EHBP1: variants seen among roughly 807,000 people sequenced by gnomAD.
EHBP1 encodes EH domain binding protein 1, also known as EH domain-binding protein 1.
EHBP1 carries 55 observed loss-of-function variants against 144.0 expected under a neutral mutation model. The ratio of observed to expected loss-of-function variants is 0.38; its 90% CI spans 0.31 to 0.48. The LOEUF (loss-of-function observed/expected upper bound fraction) is 0.48, where lower values mean the gene tolerates loss of function less well. EHBP1 is among the 20% of genes least tolerant of loss of function. The pLI, the probability that EHBP1 is intolerant of heterozygous loss-of-function variation, is 0.98. For missense variants in EHBP1, 1,200 were observed against 1,364.2 expected (o/e 0.88, Z 1.90); for synonymous variants, 469 against 472.7 (o/e 0.99, Z 0.10).
chr2:62,858,961 C>T (rs894024465), intron 7 of EHBP1, among the ~76,000 whole-genome samples: 1 of 152,024 alleles, frequency 6.6e-6, no homozygotes, highest in African/African-American at 2.4e-5. Context: ...ACATAATTTT[C>T]AATTAATACT....
intron 1 of EHBP1, among the ~76,000 whole-genome samples, chr2:62,677,987 G>C (rs559960996): frequency 3.9e-5 from 6 of 152,170 alleles, no homozygotes; most frequent in Admixed American, 3.3e-4. Flanking sequence ...CCTTCCTTTG[G>C]GGTATATACC....
At chr2:62,952,441 T>G (rs1342987447) in intron 13 of EHBP1, among the ~76,000 whole-genome samples, 2 of 152,224 alleles carry the variant, frequency 1.3e-5, no homozygotes, top group Admixed American at 6.5e-5. Context: ...CGTTTGTTCT[T>G]TCTTAGTAGT....
intron 4 of EHBP1, among the ~76,000 whole-genome samples, chr2:62,766,000 T>A (rs1358503452): frequency 1.3e-5 from 2 of 152,198 alleles, no homozygotes; most frequent in South Asian, 2.1e-4. Context: ...ACTTCCCTTT[T>A]CTTTCTACCC....
chr2:62,863,286 C>T (rs1188426262), intron 8 of EHBP1, among the ~76,000 whole-genome samples: 1 of 149,714 alleles, frequency 6.7e-6, no homozygotes, highest in Non-Finnish European at 1.5e-5. Context: ...CTCCGTCACA[C>T]ACACACACAC....
chr2:62,988,621 T>C (rs2059291815), intron 15 of EHBP1, among the ~76,000 whole-genome samples: 1 of 152,164 alleles, frequency 6.6e-6, no homozygotes, highest in Admixed American at 6.5e-5. Flanking sequence ...TGTAAGTTCT[T>C]ATTTAAAATA....
intron 3 of EHBP1, among the ~76,000 whole-genome samples, chr2:62,753,387 G>T (rs2039946501): frequency 6.6e-6 from 1 of 152,048 alleles, no homozygotes; most frequent in African/African-American, 2.4e-5. Flanking sequence ...AGTCTGATGG[G>T]CTTCCCTTTG....
chr2:62,920,704 C>A (rs1252836286), intron 10 of EHBP1, among the ~76,000 whole-genome samples: 3 of 151,794 alleles, frequency 2.0e-5, no homozygotes, highest in Non-Finnish European at 4.4e-5. Flanking sequence ...TCTGTGTCAC[C>A]TGGGGTAGAG....
intron 10 of EHBP1, among the ~76,000 whole-genome samples, chr2:62,877,436 A>G (rs528041376): frequency 6.6e-6 from 1 of 152,360 alleles, no homozygotes; most frequent in African/African-American, 2.4e-5. Context: ...TATTAGACAG[A>G]TCATCCAGGC....
chr2:62,707,068 A>G lies in EHBP1; in HGVS notation c.-124A>G. 1 of 690,338 alleles carries G rather than the reference A, an allele frequency of 1.4e-6. No homozygotes were observed. Among genetic ancestry groups the G allele is most frequent in the Non-Finnish European group, 2.6e-6 (1 of 389,526 alleles). The allele number at this position is 690,338 out of a possible 1,614,324, so 42.8% of individuals were successfully genotyped here. A position where few individuals can be genotyped will look rare whatever the true frequency, so the allele number is the denominator to read the frequency against. The stretch of plus-strand genomic sequence containing the variant: ...AGAAGACTTATGGACCCCAAGCATC[A>G]TTTCGAGTTGTAGTTGAGTTTTTAA... On this transcript the variant is annotated 5_prime_UTR_variant, in exon 2 of 23. Coordinates refer to ENST00000431489, the MANE Select transcript of EHBP1 (RefSeq NM_001142616.3).
chr2:62,729,556 A>G (rs2037278718), intron 2 of EHBP1, among the ~76,000 whole-genome samples: 1 of 123,982 alleles, frequency 8.1e-6, no homozygotes, highest in African/African-American at 3.1e-5. Flanking sequence ...TATATATAAT[A>G]TATAATATAA....
intron 14 of EHBP1, among the ~76,000 whole-genome samples, chr2:62,963,084 G>A (rs1288615329): frequency 1.3e-5 from 2 of 152,196 alleles, no homozygotes; most frequent in African/African-American, 4.8e-5. Context: ...AACAGTATAC[G>A]TGGGAAAGGA....
chr2:62,983,922 CCATGAGAATGTCTG>C (rs1441032245), intron 15 of EHBP1, among the ~76,000 whole-genome samples: 6 of 152,054 alleles, frequency 3.9e-5, no homozygotes, highest in Non-Finnish European at 8.8e-5. Flanking sequence ...TAAATTTTGC[CCATGAGAATGTCTG>C]CATGATCCTT....
intron 19 of EHBP1, among the ~76,000 whole-genome samples, chr2:63,028,504 G>C (rs1221564941): frequency 1.3e-5 from 2 of 151,722 alleles, no homozygotes; most frequent in African/African-American, 2.4e-5. Context: ...TTCTAGGCTC[G>C]AGTGATCCTC....
chr2:62,682,172 C>T (rs1448501553), intron 1 of EHBP1, among the ~76,000 whole-genome samples: 1 of 152,186 alleles, frequency 6.6e-6, no homozygotes, highest in East Asian at 1.9e-4. Context: ...CCTACATTGT[C>T]AGGGAAATCA....
chr2:62,929,435 T>C (rs2055801932), intron 10 of EHBP1, among the ~76,000 whole-genome samples: 1 of 152,156 alleles, frequency 6.6e-6, no homozygotes, highest in Admixed American at 6.5e-5. Flanking sequence ...ATGTAATCAG[T>C]GTAATACACT....
chr2:62,707,359 T>C, intron 2 of EHBP1, 64 bp downstream of exon 2: 1 of 1,195,664 alleles, frequency 8.4e-7, no homozygotes, highest in East Asian at 2.3e-5. Context: ...GCCTAAACTC[T>C]GGGTCTTCTG....
rs2037388548 is a variant in EHBP1, at chr2:62,730,325, T to C, written c.105-17070T>C. ...CACTCCCCCTCTCCCTCCCACTGAA[T>C]TTCTGGCAACTACTAATCTTTTTAC... is the stretch of plus-strand genomic sequence containing the variant. On this transcript the variant is annotated intron_variant, in intron 2 of 22. Coordinates refer to ENST00000431489, the MANE Select transcript of EHBP1 (RefSeq NM_001142616.3). 2.0e-5 allele frequency among the ~76,000 whole-genome samples: 3 copies of C among 152,130 alleles called. No individual in the cohort carries two copies. In the South Asian group the frequency reaches 6.2e-4, roughly 31 times the overall value.
At chr2:62,780,498 A>C (rs189376440) in intron 5 of EHBP1, among the ~76,000 whole-genome samples, 67 of 152,196 alleles carry the variant, frequency 4.4e-4, no homozygotes, top group African/African-American at 1.6e-3. Context: ...CCTTAATGTT[A>C]AGTATTTAAT....
chr2:62,761,181 G>T (rs1194639425), intron 3 of EHBP1, among the ~76,000 whole-genome samples: 3 of 152,058 alleles, frequency 2.0e-5, no homozygotes, highest in African/African-American at 7.2e-5. Context: ...TTTCAAAATG[G>T]AGATTGTTTA....
Sources: gnomAD v4.1 joint callset for allele counts (sites outside exome capture counted in the v4.1 genomes callset) on GRCh38, gnomAD v4.1.1 for gene constraint, MANE v1.5 for transcripts, NCBI Gene and HGNC (gene_info 2026-07-23, HGNC 2026-07-21) for gene names.